The following ARNT2 variants were observed in gnomAD, a reference collection of about 807,000 sequenced individuals.
ARNT2 encodes the protein aryl hydrocarbon receptor nuclear translocator 2.
ARNT2 carries 36 observed loss-of-function variants against 91.7 expected under a neutral mutation model. The observed-to-expected ratio is 0.39, with a 90% CI of 0.30 to 0.52. The LOEUF is 0.52. Ranked by LOEUF, ARNT2 falls within the 20% of genes least tolerant of loss-of-function variation. The pLI, the probability that ARNT2 is intolerant of heterozygous loss-of-function variation, is 0.72. For missense variants in ARNT2, 775 were observed against 939.3 expected (o/e 0.83, Z 2.29); for synonymous variants, 365 against 347.1 (o/e 1.05, Z -0.57).
chr15:80,513,881 G>A, intron 6 of ARNT2, 30 bp from the exon 7 acceptor site: 3 of 1,586,588 alleles, frequency 1.9e-6, no homozygotes, highest in African/African-American at 1.3e-5. Context: ...CTGGGTCTTT[G>A]CTCATTCTAA....
intron 1 of ARNT2, among the ~76,000 whole-genome samples, chr15:80,433,038 A>G (rs1014179874): frequency 1.3e-5 from 2 of 152,068 alleles, no homozygotes; most frequent in African/African-American, 4.8e-5. Flanking sequence ...TTAACACAAA[A>G]TGTTTTTTTG....
intron 1 of ARNT2, among the ~76,000 whole-genome samples, chr15:80,426,726 C>T (rs1003328435): frequency 2.0e-5 from 3 of 152,166 alleles, no homozygotes; most frequent in Non-Finnish European, 4.4e-5. Context: ...TGCTGTGGAC[C>T]AGTTGTGTTC....
In ARNT2 at chr15:80,555,082, C is replaced by T. The variant is rs1446508191; in HGVS notation, c.1107C>T (p.Asp369=). 3 of 1,614,166 alleles carry T rather than the reference C, an allele frequency of 1.9e-6. No individual in the cohort carries two copies. The highest frequency in any genetic ancestry group is 2.5e-6 in the Non-Finnish European group (3 of 1,180,012). Residue 369 remains aspartate, a synonymous_variant, in exon 11 of 19, where the codon GAC becomes GAT. Coordinates refer to ENST00000303329, the MANE Select transcript of ARNT2 (RefSeq NM_014862.4). ...GYQPQDLLGK[D]ILEFCHPEDQ... ...TTATTTAGGATCTTCTGGGAAAGGA[C>T]ATTTTGGAATTCTGCCACCCTGAGG...
chr15:80,405,671 A>G (rs917650862), intron 1 of ARNT2, among the ~76,000 whole-genome samples: 3 of 152,194 alleles, frequency 2.0e-5, no homozygotes, highest in Admixed American at 2.0e-4. Flanking sequence ...GGGGCATTGC[A>G]GGCGTAAGTA....
chr15:80,449,373 G>A (rs1896353990), intron 1 of ARNT2, among the ~76,000 whole-genome samples: 2 of 152,142 alleles, frequency 1.3e-5, no homozygotes, highest in African/African-American at 4.8e-5. Context: ...ATGTGTTTTA[G>A]CCTCCATTTC....
chr15:80,503,974 T>C (rs770970759), intron 5 of ARNT2, among the ~76,000 whole-genome samples: 7 of 152,198 alleles, frequency 4.6e-5, no homozygotes, highest in Non-Finnish European at 5.9e-5. Context: ...TCCTAGACCA[T>C]GTGTGCAGGA....
At chr15:80,516,597 G>T (rs763315047) in intron 8 of ARNT2, among the ~76,000 whole-genome samples, 1 of 151,480 alleles carries the variant, frequency 6.6e-6, no homozygotes, top group Non-Finnish European at 1.5e-5. Flanking sequence ...CATATAGTTG[G>T]ATCTAGTTTT....
At chr15:80,437,306 T>C (rs1040814057) in intron 1 of ARNT2, among the ~76,000 whole-genome samples, 3 of 152,176 alleles carry the variant, frequency 2.0e-5, no homozygotes, top group African/African-American at 7.2e-5. Flanking sequence ...CCACCTTGAA[T>C]AACTCATCTT....
At chr15:80,452,327 A>T (rs1427054566) in intron 2 of ARNT2, among the ~76,000 whole-genome samples, 2 of 152,166 alleles carry the variant, frequency 1.3e-5, no homozygotes, top group Non-Finnish European at 2.9e-5. Context: ...AGCTGCCACC[A>T]TCTTTACAGC....
intron 1 of ARNT2, among the ~76,000 whole-genome samples, chr15:80,446,750 CA>C (rs141025621): frequency 0.14 from 21,977 of 152,232 alleles, 1,728 homozygotes; most frequent in South Asian, 0.24. Context: ...GAAACACAGT[CA>C]GTACCCAACA....
intron 9 of ARNT2, among the ~76,000 whole-genome samples, 172 bp downstream of exon 9, chr15:80,551,447 C>T (rs545025312): frequency 5.9e-4 from 90 of 152,326 alleles, no homozygotes; most frequent in African/African-American, 2.0e-3. Flanking sequence ...GAGAAGGGGA[C>T]TGTGAGCTGT....
At chr15:80,485,749 C>A (rs1167778822) in intron 5 of ARNT2, among the ~76,000 whole-genome samples, 1 of 152,070 alleles carries the variant, frequency 6.6e-6, no homozygotes, top group Non-Finnish European at 1.5e-5. Flanking sequence ...AGTAGAGGCC[C>A]ATGAACCATG....
At chr15:80,534,355 T>G (rs1412498948) in intron 8 of ARNT2, among the ~76,000 whole-genome samples, 1 of 152,068 alleles carries the variant, frequency 6.6e-6, no homozygotes, top group Admixed American at 6.5e-5. Context: ...ATTACAAAAA[T>G]GGTGCATGTT....
chr15:80,514,522 T>C, intron 8 of ARNT2, 117 bp downstream of exon 8: 1 of 895,662 alleles, frequency 1.1e-6, no homozygotes, highest in East Asian at 2.5e-5. Context: ...TTATTTTTCT[T>C]TGTGGTTAGA....
intron 5 of ARNT2, among the ~76,000 whole-genome samples, chr15:80,499,383 T>TCCTTGTCCTTG (rs1897161942): frequency 6.6e-6 from 1 of 152,120 alleles, no homozygotes; most frequent in African/African-American, 2.4e-5. Flanking sequence ...GAGTAAAGAG[T>TCCTTGTCCTTG]TAATTCCCTT....
At position 80,477,755 on chromosome 15, in the gene ARNT2, A is replaced by G. The variant is rs547995083; in HGVS notation, c.622+2532A>G. Among the ~76,000 whole-genome samples the G allele has an allele frequency of 2.6e-4, 40 of 152,328 alleles. 1 individual carries two copies. The highest frequency in any genetic ancestry group is 8.7e-4 in the African/African-American group (36 of 41,572). The stretch of plus-strand genomic sequence containing the variant: ...AGTCCTGTCTCCCAAATACAGTCAC[A>G]TTCTGGGGTACTGGGGATTAAGACT... On this transcript the variant is annotated intron_variant, in intron 5 of 18. Coordinates refer to ENST00000303329, the MANE Select transcript of ARNT2 (RefSeq NM_014862.4).
In ARNT2 at chr15:80,567,379, T is replaced by C. The variant is rs1898504643; in HGVS notation, c.1316+4140T>C. Among the ~76,000 whole-genome samples, 3 of 152,310 alleles carry C rather than the reference T, an allele frequency of 2.0e-5. No individual in the cohort carries two copies. In the South Asian group the frequency reaches 6.2e-4, roughly 32 times the overall value. On this transcript the variant is annotated intron_variant, in intron 12 of 18. Coordinates refer to ENST00000303329, the MANE Select transcript of ARNT2 (RefSeq NM_014862.4). ...AAGCCATAGCTTTGTCCCAGGCTCA[T>C]ACCTCCTGTCATGGCCCCTTGCTCC...
At chr15:80,565,779 T>C (rs114679322) in intron 12 of ARNT2, among the ~76,000 whole-genome samples, 1,660 of 152,304 alleles carry the variant, frequency 0.011, 33 homozygotes, top group African/African-American at 0.038. Flanking sequence ...CTGGATATCA[T>C]GTCTTTGTCA....
At chr15:80,464,932 T>C (rs537966828) in intron 3 of ARNT2, among the ~76,000 whole-genome samples, 4 of 152,292 alleles carry the variant, frequency 2.6e-5, no homozygotes, top group African/African-American at 9.6e-5. Flanking sequence ...CAGCCACTCT[T>C]GGTCTGATGA....
Sources: allele counts gnomAD v4.1 joint callset (sites outside exome capture counted in the v4.1 genomes callset), GRCh38; gene constraint gnomAD v4.1.1; transcripts MANE v1.5; gene names NCBI Gene and HGNC (gene_info 2026-07-23, HGNC 2026-07-21).